PRELID2: variants seen among roughly 807,000 people sequenced by gnomAD.
The protein encoded by PRELID2 is PRELI domain-containing protein 2.
In PRELID2, 25 loss-of-function variants were observed where a neutral mutation model predicts 28.4. The ratio of observed to expected loss-of-function variants is 0.88; its 90% CI spans 0.64 to 1.23. The LOEUF is 1.23. Among genes scored for constraint, PRELID2 ranks in the 50% most tolerant of loss-of-function variants. The pLI, the probability that PRELID2 is intolerant of heterozygous loss-of-function variation, is 0.00. For synonymous variants in PRELID2, 76 were observed against 71.6 expected, an observed-to-expected ratio of 1.06 and a Z score of -0.31; for missense variants, 201 against 214.4, an observed-to-expected ratio of 0.94 and a Z score of 0.39.
intron 4 of PRELID2, among the ~76,000 whole-genome samples, chr5:145,814,169 G>T (rs1464548355): frequency 6.6e-6 from 1 of 152,086 alleles, no homozygotes; most frequent in Non-Finnish European, 1.5e-5. Context: ...GTTCCTAAAG[G>T]ATGTCCTCCC....
At chr5:145,625,383 G>T (rs1002104508) in intron 1 of PRELID2, among the ~76,000 whole-genome samples, 2 of 152,078 alleles carry the variant, frequency 1.3e-5, no homozygotes, top group African/African-American at 4.8e-5. Context: ...ATATAGCAAT[G>T]AAAATGAATG....
At chr5:145,661,664 AT>A (rs1456387595) in intron 1 of PRELID2, among the ~76,000 whole-genome samples, 1 of 126,276 alleles carries the variant, frequency 7.9e-6, no homozygotes. Context: ...CAAACAAGCC[AT>A]TAAAAAAAAA....
chr5:145,336,214 T>A, the PRELID2 span, among the ~76,000 whole-genome samples: 4 of 152,138 alleles, frequency 2.6e-5, no homozygotes, highest in African/African-American at 4.8e-5. Flanking sequence ...TTTCTCCCAT[T>A]TTGTAGGTTG....
the PRELID2 span, among the ~76,000 whole-genome samples, chr5:145,393,409 G>A: frequency 6.6e-6 from 1 of 152,160 alleles, no homozygotes; most frequent in Non-Finnish European, 1.5e-5. Context: ...AAAACTCTAG[G>A]CAAATTAAAT....
the PRELID2 span, among the ~76,000 whole-genome samples, chr5:145,441,827 T>G: frequency 6.6e-6 from 1 of 152,118 alleles, no homozygotes; most frequent in Non-Finnish European, 1.5e-5. Context: ...CTCTGCTGAC[T>G]CTAAGAATCA....
At chr5:145,832,587 C>A (rs1397378601) in intron 1 of PRELID2, among the ~76,000 whole-genome samples, 1 of 152,130 alleles carries the variant, frequency 6.6e-6, no homozygotes, top group East Asian at 1.9e-4. Flanking sequence ...AGTTTCGGAT[C>A]CATGTGTTAA....
At chr5:145,475,632 A>G (rs578197367) in intron 1 of PRELID2, among the ~76,000 whole-genome samples, 11 of 152,356 alleles carry the variant, frequency 7.2e-5, no homozygotes, top group African/African-American at 2.6e-4. Context: ...ATGTTTTAAG[A>G]GTTTGTATAA....
chr5:145,711,636 G>A (rs982836489), intron 1 of PRELID2, among the ~76,000 whole-genome samples: 5 of 152,082 alleles, frequency 3.3e-5, no homozygotes, highest in Non-Finnish European at 7.4e-5. Flanking sequence ...GAGTTTGCAG[G>A]TGTGTAGTGT....
intron 1 of PRELID2, among the ~76,000 whole-genome samples, chr5:145,509,143 C>T (rs1752439860): frequency 6.6e-6 from 1 of 152,126 alleles, no homozygotes; most frequent in South Asian, 2.1e-4. Flanking sequence ...GGAAAATTGG[C>T]TGTGAACATC....
intron 1 of PRELID2, among the ~76,000 whole-genome samples, chr5:145,503,925 C>A (rs936381649): frequency 6.6e-6 from 1 of 152,150 alleles, no homozygotes; most frequent in African/African-American, 2.4e-5. Flanking sequence ...AACCTCACAG[C>A]ACATTGTGAA....
chr5:145,804,462 A>C (rs1417299146), intron 4 of PRELID2, among the ~76,000 whole-genome samples: 1 of 152,172 alleles, frequency 6.6e-6, no homozygotes, highest in African/African-American at 2.4e-5. Context: ...GTGAGCCGAG[A>C]TCACGCCATT....
intron 1 of PRELID2, among the ~76,000 whole-genome samples, chr5:145,644,728 T>C (rs1299833922): frequency 1.3e-5 from 2 of 152,198 alleles, no homozygotes; most frequent in Non-Finnish European, 2.9e-5. Context: ...TTGTTCTTAT[T>C]GGTTTCAAAG....
chr5:145,353,460 C>T, the PRELID2 span, among the ~76,000 whole-genome samples: 1 of 148,830 alleles, frequency 6.7e-6, no homozygotes, highest in Non-Finnish European at 1.5e-5. Flanking sequence ...TAGAATCCAT[C>T]TCAAAAAAAA....
chr5:145,607,232 T>G (rs912511861), intron 1 of PRELID2, among the ~76,000 whole-genome samples: 1 of 152,146 alleles, frequency 6.6e-6, no homozygotes, highest in Non-Finnish European at 1.5e-5. Context: ...TTTTTGTGTG[T>G]GTCTCAATTT....
At chr5:145,683,265 G>A (rs1215595402) in intron 1 of PRELID2, among the ~76,000 whole-genome samples, 2 of 152,138 alleles carry the variant, frequency 1.3e-5, no homozygotes, top group Non-Finnish European at 2.9e-5. Context: ...TACCTAGATA[G>A]TGACTAAAGA....
At chr5:145,242,867 G>A in the PRELID2 span, among the ~76,000 whole-genome samples, 12,686 of 151,944 alleles carry the variant, frequency 0.083, 1,138 homozygotes, top group African/African-American at 0.23. Flanking sequence ...GTGATTTATA[G>A]CTTTTAGTGG....
chr5:145,731,273 A>G (rs975942041), intron 1 of PRELID2, among the ~76,000 whole-genome samples: 2 of 152,208 alleles, frequency 1.3e-5, no homozygotes, highest in Non-Finnish European at 2.9e-5. Flanking sequence ...TCCATTGATC[A>G]CAGCTATGGA....
intron 5 of PRELID2, among the ~76,000 whole-genome samples, chr5:145,783,698 T>C (rs1751790976): frequency 6.6e-6 from 1 of 152,134 alleles, no homozygotes; most frequent in South Asian, 2.1e-4. Context: ...GTGGTTCAAG[T>C]AACAAAGAAT....
chr5:145,331,962 C>G, the PRELID2 span, among the ~76,000 whole-genome samples: 1 of 152,150 alleles, frequency 6.6e-6, no homozygotes, highest in Non-Finnish European at 1.5e-5. Flanking sequence ...TAAGGCAGGC[C>G]TGGTGGTGAC....
Sources: gnomAD v4.1 joint callset for allele counts (sites outside exome capture counted in the v4.1 genomes callset) on GRCh38, gnomAD v4.1.1 for gene constraint, MANE v1.5 for transcripts, NCBI Gene and HGNC (gene_info 2026-07-23, HGNC 2026-07-21) for gene names.